Variants in GRM3 observed in about 807,000 individuals in gnomAD.
GRM3 encodes glutamate metabotropic receptor 3.
In GRM3, 26 loss-of-function variants were observed where a neutral mutation model predicts 70.5. The ratio of observed to expected loss-of-function variants is 0.37; its 90% CI spans 0.27 to 0.51. GRM3 has a LOEUF of 0.51. Among genes scored for constraint, GRM3 ranks in the 20% least tolerant of loss-of-function variants. GRM3 has a pLI of 0.93. For missense variants in GRM3, 859 were observed against 1,123.8 expected (o/e 0.76, Z 3.37); for synonymous variants, 443 against 434.9 (o/e 1.02, Z -0.23).
At chr7:86,668,031 A>G (rs1794073250) in intron 1 of GRM3, among the ~76,000 whole-genome samples, 1 of 152,006 alleles carries the variant, frequency 6.6e-6, no homozygotes, top group Admixed American at 6.6e-5. Flanking sequence ...TGCAAGTCTG[A>G]CCCCGTTTGG....
rs1384163623 is a variant in GRM3 at position 86,666,787 on chromosome 7, C to T, written c.-141+21915C>T. 4.6e-5 allele frequency among the ~76,000 whole-genome samples: 7 copies of T among 151,966 alleles called. No individual in the cohort carries two copies. The East Asian group carries it at 1.2e-3, about 25-fold the overall frequency. ...GTTTGGACAAATTAGGAAACTAATTCGAGATGCAACCCCTGGTGAGCAGGT... is the reference window on the plus strand; with the variant it reads ...GTTTGGACAAATTAGGAAACTAATTTGAGATGCAACCCCTGGTGAGCAGGT... On this transcript the variant is annotated intron_variant, in intron 1 of 5. Transcript: ENST00000361669.
chr7:86,647,656 A>G (rs1465968569), intron 1 of GRM3, among the ~76,000 whole-genome samples: 1 of 152,218 alleles, frequency 6.6e-6, no homozygotes, highest in Non-Finnish European at 1.5e-5. Flanking sequence ...TGGATCCAAT[A>G]CTGCATTAGA....
chr7:86,841,662 C>A (rs1395288633), intron 4 of GRM3, among the ~76,000 whole-genome samples: 1 of 151,912 alleles, frequency 6.6e-6, no homozygotes, highest in African/African-American at 2.4e-5. Context: ...ACTCTTCATT[C>A]TCAAAAGAGC....
chr7:86,763,799 C>T (rs1237871780), intron 1 of GRM3, among the ~76,000 whole-genome samples: 3 of 152,048 alleles, frequency 2.0e-5, no homozygotes, highest in Middle Eastern at 3.2e-3. Context: ...GGTTATACAA[C>T]AAAAAGTTGA....
At chr7:86,665,440 A>G (rs140512360) in intron 1 of GRM3, among the ~76,000 whole-genome samples, 1 of 152,208 alleles carries the variant, frequency 6.6e-6, no homozygotes, top group African/African-American at 2.4e-5. Flanking sequence ...ATTTCTACCA[A>G]TGCTAAACCA....
At chr7:86,816,282 C>G (rs192545174) in intron 3 of GRM3, among the ~76,000 whole-genome samples, 332 of 151,944 alleles carry the variant, frequency 2.2e-3, no homozygotes, top group African/African-American at 7.5e-3. Context: ...TACTAAGCGA[C>G]AAGCACTTTT....
intron 1 of GRM3, among the ~76,000 whole-genome samples, chr7:86,668,885 C>T (rs1171086776): frequency 6.6e-6 from 1 of 152,062 alleles, no homozygotes; most frequent in Non-Finnish European, 1.5e-5. Context: ...CTTAGATTTC[C>T]CTTGAGCGTG....
At chr7:86,671,305 A>G (rs1398063359) in intron 1 of GRM3, among the ~76,000 whole-genome samples, 1 of 152,184 alleles carries the variant, frequency 6.6e-6, no homozygotes, top group African/African-American at 2.4e-5. Flanking sequence ...TAATTATGTA[A>G]TCTCCATGTA....
At chr7:86,717,956 T>A (rs890562018) in intron 1 of GRM3, among the ~76,000 whole-genome samples, 2 of 139,284 alleles carry the variant, frequency 1.4e-5, no homozygotes, top group African/African-American at 2.7e-5. Flanking sequence ...AAAAAAAAAA[T>A]GCCTCACTAA....
At chr7:86,674,146 A>G (rs1794244418) in intron 1 of GRM3, among the ~76,000 whole-genome samples, 1 of 152,158 alleles carries the variant, frequency 6.6e-6, no homozygotes, top group Non-Finnish European at 1.5e-5. Flanking sequence ...GCTGTGTGGT[A>G]CTGGCTCAGG....
intron 1 of GRM3, among the ~76,000 whole-genome samples, chr7:86,720,674 C>T (rs1795437558): frequency 6.6e-6 from 1 of 152,038 alleles, no homozygotes; most frequent in Non-Finnish European, 1.5e-5. Flanking sequence ...CAGAGAGCCC[C>T]ACAGAGCAAA....
intron 3 of GRM3, among the ~76,000 whole-genome samples, chr7:86,828,269 G>C (rs557309204): frequency 6.6e-6 from 1 of 151,832 alleles, no homozygotes; most frequent in Non-Finnish European, 1.5e-5. Flanking sequence ...ATCACAACGA[G>C]ATACCGGTAC....
intron 4 of GRM3, among the ~76,000 whole-genome samples, chr7:86,841,988 A>T (rs902249875): frequency 9.2e-5 from 14 of 152,306 alleles, no homozygotes; most frequent in Admixed American, 8.5e-4. Context: ...AAATAATGCC[A>T]ATCCTAAGTT....
intron 5 of GRM3, 79 bp from the exon 6 acceptor site, chr7:86,864,203 G>C (rs1308870049): frequency 2.6e-6 from 2 of 778,132 alleles, no homozygotes; most frequent in Non-Finnish European, 4.7e-6. Flanking sequence ...AGTCCCCAAA[G>C]TCCATTGTAT....
intron 1 of GRM3, among the ~76,000 whole-genome samples, chr7:86,655,820 CTGTGTGTGTG>C (rs371609030): frequency 1.4e-5 from 2 of 144,442 alleles, no homozygotes; most frequent in African/African-American, 2.6e-5. Context: ...AAGGCTAACT[CTGTGTGTGTG>C]TGTGTGTGTG....
chr7:86,847,579 A>G (rs1402459815), intron 4 of GRM3, among the ~76,000 whole-genome samples: 1 of 152,188 alleles, frequency 6.6e-6, no homozygotes, highest in East Asian at 1.9e-4. Flanking sequence ...GAAGAAAGAG[A>G]GTCCACAACT....
intron 1 of GRM3, among the ~76,000 whole-genome samples, chr7:86,665,139 C>T (rs374248730): frequency 2.0e-5 from 3 of 151,930 alleles, no homozygotes; most frequent in East Asian, 3.9e-4. Context: ...CTATTCTTTT[C>T]GTTCCGTTTT....
intron 3 of GRM3, among the ~76,000 whole-genome samples, chr7:86,819,960 C>T (rs1038379959): frequency 6.6e-6 from 1 of 152,120 alleles, no homozygotes; most frequent in African/African-American, 2.4e-5. Context: ...ATCCTTTCTA[C>T]CTTTCCAAAA....
intron 1 of GRM3, among the ~76,000 whole-genome samples, chr7:86,745,708 C>T (rs1239235434): frequency 1.3e-4 from 20 of 151,962 alleles, no homozygotes; most frequent in Admixed American, 1.3e-3. Flanking sequence ...GTATACATGC[C>T]TAATTTTTCT....
Sources: gnomAD v4.1 joint callset for allele counts (sites outside exome capture counted in the v4.1 genomes callset) on GRCh38, gnomAD v4.1.1 for gene constraint, MANE v1.5 for transcripts, NCBI Gene and HGNC (gene_info 2026-07-23, HGNC 2026-07-21) for gene names.